Variants in RTN1 observed in about 807,000 individuals in gnomAD.
RTN1 encodes reticulon 1.
Under a neutral mutation model 65.5 loss-of-function variants are expected in RTN1, and 25 were observed. That is an observed-to-expected ratio of 0.38 (90% confidence interval 0.28 to 0.53). The LOEUF (loss-of-function observed/expected upper bound fraction) is 0.53. Ranked by LOEUF, RTN1 falls within the 20% of genes least tolerant of loss-of-function variation. The pLI is 0.79. For synonymous variants in RTN1, 471 were observed against 447.6 expected (o/e 1.05, Z -0.66); for missense variants, 983 against 1,025.4 (o/e 0.96, Z 0.57).
At chr14:59,779,961 A>G (rs1886123222) in intron 1 of RTN1, among the ~76,000 whole-genome samples, 1 of 152,216 alleles carries the variant, frequency 6.6e-6, no homozygotes, top group Non-Finnish European at 1.5e-5. Flanking sequence ...GCCCAGAATC[A>G]TCGAGTTTCC....
At chr14:59,683,921 A>T (rs2140223488) in intron 3 of RTN1, among the ~76,000 whole-genome samples, 1 of 152,082 alleles carries the variant, frequency 6.6e-6, no homozygotes, top group South Asian at 2.1e-4. Context: ...TCTTTGTCTG[A>T]TTCTTATTAC....
chr14:59,697,665 CAACCAT>C (rs1289263914), intron 3 of RTN1, among the ~76,000 whole-genome samples: 1 of 152,080 alleles, frequency 6.6e-6, no homozygotes, highest in African/African-American at 2.4e-5. Context: ...CCCAAAGTGC[CAACCAT>C]AATAATGTGA....
intron 1 of RTN1, among the ~76,000 whole-genome samples, chr14:59,784,222 T>C (rs1449435979): frequency 1.3e-5 from 2 of 152,180 alleles, no homozygotes; most frequent in Non-Finnish European, 1.5e-5. Context: ...GCGGATCACC[T>C]GAGGTTGGGA....
chr14:59,861,216 C>T (rs1255857545), intron 1 of RTN1, among the ~76,000 whole-genome samples: 1 of 152,120 alleles, frequency 6.6e-6, no homozygotes, highest in Non-Finnish European at 1.5e-5. Flanking sequence ...AATCATGGGG[C>T]AGGTCTTTTC....
chr14:59,824,796 A>T (rs1887002282), intron 1 of RTN1, among the ~76,000 whole-genome samples: 1 of 152,246 alleles, frequency 6.6e-6, no homozygotes, highest in Non-Finnish European at 1.5e-5. Context: ...CCAACTAAGA[A>T]ATCTAGATCT....
chr14:59,660,451 C>T (rs554391547), intron 3 of RTN1, among the ~76,000 whole-genome samples: 1 of 152,262 alleles, frequency 6.6e-6, no homozygotes, highest in South Asian at 2.1e-4. Context: ...TTCTCTGTAC[C>T]ACATTGCACT....
At chr14:59,695,240 T>G (rs1192367138) in intron 3 of RTN1, among the ~76,000 whole-genome samples, 1 of 151,978 alleles carries the variant, frequency 6.6e-6, no homozygotes, top group East Asian at 1.9e-4. Context: ...AACGTTCTCT[T>G]TACCACTCCC....
chr14:59,670,175 A>T (rs1324373540), intron 3 of RTN1, among the ~76,000 whole-genome samples: 1 of 152,236 alleles, frequency 6.6e-6, no homozygotes. Flanking sequence ...GTGTAGTGAG[A>T]TAGTGTAAAG....
chr14:59,830,036 C>T (rs537777894), intron 1 of RTN1, among the ~76,000 whole-genome samples: 1 of 152,264 alleles, frequency 6.6e-6, no homozygotes, highest in South Asian at 2.1e-4. Flanking sequence ...ACAAGGTATA[C>T]TCTGAAATGC....
chr14:59,606,114 AT>A lies in RTN1; in HGVS notation c.1974-609del, dbSNP rs1375939149. On this transcript the variant is annotated intron_variant, in intron 4 of 8. Transcript: ENST00000267484. ...GGTGGGAAAAACATGATATATATAT[AT>A]ATATATATATATCATACCAGCTTAA... 20 of 42,838 alleles carry A rather than the reference AT, an allele frequency of 4.7e-4. 5 individuals are homozygous for A. The highest frequency in any genetic ancestry group is 1.9e-3 in the African/African-American group (19 of 9,970). 2.7% of individuals were successfully genotyped at this position (42,838 alleles called of 1,614,324 possible).
chr14:59,638,390 A>G (rs1471601784), intron 3 of RTN1, among the ~76,000 whole-genome samples: 1 of 152,246 alleles, frequency 6.6e-6, no homozygotes, highest in Non-Finnish European at 1.5e-5. Flanking sequence ...ACTATGCTGT[A>G]AACAGATGTC....
chr14:59,659,480 C>A (rs1050838492), intron 3 of RTN1, among the ~76,000 whole-genome samples: 1 of 152,052 alleles, frequency 6.6e-6, no homozygotes, highest in African/African-American at 2.4e-5. Flanking sequence ...ATGTTAAGGG[C>A]AGCCAGAGAG....
At chr14:59,612,483 A>T (rs1881982388) in intron 3 of RTN1, among the ~76,000 whole-genome samples, 4 of 152,220 alleles carry the variant, frequency 2.6e-5, no homozygotes. Flanking sequence ...AGGTTTGATT[A>T]ATAGAAAAAA....
intron 3 of RTN1, among the ~76,000 whole-genome samples, chr14:59,702,073 C>A (rs753545997): frequency 6.6e-6 from 1 of 152,098 alleles, no homozygotes; most frequent in African/African-American, 2.4e-5. Flanking sequence ...TCACCAACAA[C>A]ACAATTTTTT....
chr14:59,838,291 C>T (rs766859023), intron 1 of RTN1, among the ~76,000 whole-genome samples: 87 of 152,094 alleles, frequency 5.7e-4, no homozygotes, highest in Non-Finnish European at 1.0e-3. Flanking sequence ...TCAACCTTTC[C>T]GAAAGGACAT....
intron 1 of RTN1, among the ~76,000 whole-genome samples, chr14:59,753,231 C>T (rs79129340): frequency 0.017 from 2,550 of 152,160 alleles, 73 homozygotes; most frequent in African/African-American, 0.059. Context: ...ATTAGAGAGG[C>T]TATAAATAGA....
intron 1 of RTN1, among the ~76,000 whole-genome samples, chr14:59,821,701 T>C (rs987172365): frequency 9.2e-5 from 14 of 152,172 alleles, no homozygotes; most frequent in African/African-American, 3.4e-4. Context: ...GATGCCCAGT[T>C]TGTTGAGGGT....
chr14:59,709,861 C>T (rs921538656), intron 3 of RTN1, among the ~76,000 whole-genome samples: 22 of 152,118 alleles, frequency 1.4e-4, no homozygotes, highest in African/African-American at 4.8e-4. Flanking sequence ...CATAACTGAA[C>T]CTCACCCCCA....
At chr14:59,725,301 G>C (rs986071892) in intron 3 of RTN1, among the ~76,000 whole-genome samples, 3 of 152,110 alleles carry the variant, frequency 2.0e-5, no homozygotes, top group Non-Finnish European at 4.4e-5. Context: ...GAACAGCACC[G>C]TGCACACGGT....
Sources: gnomAD v4.1 joint callset for allele counts (sites outside exome capture counted in the v4.1 genomes callset) on GRCh38, gnomAD v4.1.1 for gene constraint, MANE v1.5 for transcripts, NCBI Gene and HGNC (gene_info 2026-07-23, HGNC 2026-07-21) for gene names.